Variants in GPD1L observed in about 807,000 individuals in gnomAD.
The protein encoded by GPD1L is glycerol-3-phosphate dehydrogenase 1 like.
Under a neutral mutation model 32.9 loss-of-function variants are expected in GPD1L, and 17 were observed. The ratio of observed to expected loss-of-function variants is 0.52; its 90% CI spans 0.35 to 0.78. GPD1L has a LOEUF of 0.78. GPD1L is among the 30% of genes least tolerant of loss of function. GPD1L has a pLI of 0.01. For synonymous variants in GPD1L, 187 were observed against 165.9 expected, an observed-to-expected ratio of 1.13 and a Z score of -0.98; for missense variants, 361 against 447.8, an observed-to-expected ratio of 0.81 and a Z score of 1.75.
At position 32,146,721 on chromosome 3, in the gene GPD1L, G is replaced by C. The variant is rs776683211; in HGVS notation, c.605G>C (p.Cys202Ser). 1 of 1,604,236 alleles carries C rather than the reference G, an allele frequency of 6.2e-7. No individual in the cohort carries two copies. The highest frequency in any genetic ancestry group is 1.1e-5 in the South Asian group (1 of 90,878). ...GATGATGCAGACACTGTTGAACTCT[G>C]TGGTGCGCTTAAGGTAAAGTCAGCC... ...VVDDADTVEL[C>S]GALKNIVAVG... Residue 202 changes from cysteine (C) to serine (S), a missense_variant, in exon 5 of 8, where the codon TGT becomes TCT. Physicochemically the swap from Cys to Ser is moderately radical, Grantham distance 112. Coordinates refer to ENST00000282541, the MANE Select transcript of GPD1L (RefSeq NM_015141.4).
At chr3:32,126,863 G>T (rs1041723530) in intron 1 of GPD1L, among the ~76,000 whole-genome samples, 1 of 152,166 alleles carries the variant, frequency 6.6e-6, no homozygotes, top group Non-Finnish European at 1.5e-5. Context: ...GGCCTGGGGT[G>T]TGGTCTGGGA....
chr3:32,155,072 A>G (rs1700968605), intron 5 of GPD1L, among the ~76,000 whole-genome samples: 1 of 152,076 alleles, frequency 6.6e-6, no homozygotes, highest in African/African-American at 2.4e-5. Context: ...GGTGTAGGCC[A>G]GGGAGGCACT....
intron 1 of GPD1L, among the ~76,000 whole-genome samples, chr3:32,109,948 C>T (rs967035239): frequency 5.9e-5 from 9 of 152,262 alleles, no homozygotes; most frequent in African/African-American, 2.2e-4. Context: ...GACGGAGTCT[C>T]GCTCTGTCGC....
chr3:32,117,570 C>A (rs1018828120), intron 1 of GPD1L, among the ~76,000 whole-genome samples: 1 of 152,120 alleles, frequency 6.6e-6, no homozygotes, highest in South Asian at 2.1e-4. Context: ...GGTGTATAGT[C>A]TTTCAGTTGT....
At position 32,131,222 on chromosome 3, in the gene GPD1L, G is replaced by A. The variant is rs945602474; in HGVS notation, c.225+2969G>A. Among the ~76,000 whole-genome samples, 3 of 152,062 alleles carry A rather than the reference G, an allele frequency of 2.0e-5. No individual in the cohort carries two copies. In the South Asian group the frequency reaches 6.2e-4, roughly 32 times the overall value. On this transcript the variant is annotated intron_variant, in intron 2 of 7. Transcript: ENST00000282541. Reference sequence around the variant, plus strand: ...AGCACCCCCATGAAATATAGTTGCCGTTGCCTCTCATCTCCTGCCTCCTTT... The same window carrying A: ...AGCACCCCCATGAAATATAGTTGCCATTGCCTCTCATCTCCTGCCTCCTTT...
At chr3:32,144,822 AACACACACAC>A (rs60130762) in intron 4 of GPD1L, among the ~76,000 whole-genome samples, 2 of 142,064 alleles carry the variant, frequency 1.4e-5, no homozygotes, top group East Asian at 2.1e-4. Context: ...AGTAGCTGGG[AACACACACAC>A]ACACACACAC....
Position 32,140,321 on chromosome 3 carries a change from A to G in GPD1L, c.460A>G (p.Ile154Val). Residue 154 changes from isoleucine (I) to valine (V), a missense_variant, in exon 4 of 8, where the codon ATT becomes GTT. Physicochemically the swap from Ile to Val is conservative, Grantham distance 29 (BLOSUM62 3). Transcript: ENST00000282541. ...CATCAGTGTGCTGATGGGAGCCAAC[A>G]TTGCCAATGAGGTGGCTGCAGAGAA... ...IDISVLMGAN[I>V]ANEVAAEKFC... is the part of the protein sequence containing the mutation. 2 of 1,614,170 alleles carry G rather than the reference A, an allele frequency of 1.2e-6. No individual in the cohort carries two copies. The highest frequency in any genetic ancestry group is 1.1e-5 in the South Asian group (1 of 91,082).
In GPD1L at chr3:32,166,013, C is replaced by T. The variant is rs1701141724; in HGVS notation, c.*103C>T. ...GCAACATGATGTTTGACTGTAATCT[C>T]ATCACGGATATGTATGAATTTTTAC... On this transcript the variant is annotated 3_prime_UTR_variant, in exon 8 of 8. Transcript: ENST00000282541. 2.7e-6 allele frequency: 2 copies of T among 748,280 alleles called. No individual in the cohort carries two copies. The highest frequency in any genetic ancestry group is 2.6e-5 in the East Asian group (1 of 38,512). 46.4% of individuals were successfully genotyped at this position (748,280 alleles called of 1,614,324 possible).
Position 32,128,208 on chromosome 3 carries a change from T to G in GPD1L, c.180T>G (p.His60Gln). Reference sequence around the variant, plus strand: ...TGACAGACATCATAAATAATGACCATGAAAATGTAAAATATCTTCCTGGAC... The same window carrying G: ...TGACAGACATCATAAATAATGACCAGGAAAATGTAAAATATCTTCCTGGAC... ...RKLTDIINND[H>Q]ENVKYLPGHK... Residue 60 changes from histidine (H) to glutamine (Q), a missense_variant, in exon 2 of 8, where the codon CAT becomes CAG. His to Gln is a conservative substitution (Grantham distance 24). Coordinates refer to ENST00000282541, the MANE Select transcript of GPD1L (RefSeq NM_015141.4). 1 of 1,613,860 alleles carries G rather than the reference T, an allele frequency of 6.2e-7. No homozygotes were observed. Among genetic ancestry groups the G allele is most frequent in the South Asian group, 1.1e-5 (1 of 91,064 alleles).
At chr3:32,137,083 C>A (rs1050363935) in intron 2 of GPD1L, among the ~76,000 whole-genome samples, 1 of 152,162 alleles carries the variant, frequency 6.6e-6, no homozygotes, top group Non-Finnish European at 1.5e-5. Context: ...TTGGCAATCT[C>A]CATCACAACC....
Position 32,165,701 on chromosome 3 carries a change from T to A in GPD1L, c.960-113T>A, listed in dbSNP as rs756174095. On this transcript the variant is annotated intron_variant, in intron 7 of 7. Transcript: ENST00000282541. Reference sequence around the variant, plus strand: ...AAAGGAATGTAGAAAGTGCTCACTGTGTTTTCCATAGTCACATACTAACCT... The same window carrying A: ...AAAGGAATGTAGAAAGTGCTCACTGAGTTTTCCATAGTCACATACTAACCT... 3.5e-5 allele frequency: 25 copies of A among 721,974 alleles called. No homozygotes were observed. The East Asian group carries it at 6.4e-4, about 19-fold the overall frequency. The allele number at this position is 721,974 out of a possible 1,614,324, so 44.7% of individuals were successfully genotyped here. A position where few individuals can be genotyped will look rare whatever the true frequency, so the allele number is the denominator to read the frequency against.
rs761698828 is a variant in GPD1L, at chr3:32,140,236, CG to C, written c.376del (p.Glu126ArgfsTer6). On this transcript the variant is annotated frameshift_variant, in exon 4 of 8. Transcript: ENST00000282541. LOFTEE classifies it high-confidence loss of function. ...TCTTGGCATCCTTGTAGGGCATAGA[CG>C]AGGGCCCCGAGGGGCTGAAGCTCAT... ...LGITLIKGID[E>X]GPEGLKLISD... 1.9e-6 allele frequency: 3 copies of C among 1,614,008 alleles called. No homozygotes were observed. The highest frequency in any genetic ancestry group is 2.7e-5 in the African/African-American group (2 of 75,000).
At chr3:32,134,654 T>C (rs1182037160) in intron 2 of GPD1L, among the ~76,000 whole-genome samples, 2 of 151,634 alleles carry the variant, frequency 1.3e-5, no homozygotes, top group Admixed American at 1.3e-4. Context: ...ACCTGGTTAA[T>C]TTTTTTTATT....
rs1700831983 is a variant in GPD1L, at chr3:32,146,701, T to G, written c.585T>G (p.Asp195Glu). 6.2e-7 allele frequency: 1 copy of G among 1,612,402 alleles called. No homozygotes were observed. Residue 195 changes from aspartate (D) to glutamate (E), a missense_variant, in exon 5 of 8, where the codon GAT becomes GAG. Physicochemically the swap from Asp to Glu is conservative, Grantham distance 45. Coordinates refer to ENST00000282541, the MANE Select transcript of GPD1L (RefSeq NM_015141.4). Reference protein sequence around the residue: ...TPNFRITVVDDADTVELCGAL... With the variant: ...TPNFRITVVDEADTVELCGAL... ...ATTTTCGAATTACCGTGGTTGATGA[T>G]GCAGACACTGTTGAACTCTGTGGTG...
chr3:32,115,234 T>C (rs1700310598), intron 1 of GPD1L, among the ~76,000 whole-genome samples: 1 of 152,242 alleles, frequency 6.6e-6, no homozygotes, highest in South Asian at 2.1e-4. Flanking sequence ...CACAGAGTGC[T>C]GATTGGTGCA....
chr3:32,165,369 G>A (rs1701131666), intron 7 of GPD1L, among the ~76,000 whole-genome samples: 1 of 64,780 alleles, frequency 1.5e-5, no homozygotes, highest in Non-Finnish European at 2.9e-5. Flanking sequence ...TCTTGCGGGA[G>A]CATTCCAGCC....
intron 4 of GPD1L, among the ~76,000 whole-genome samples, chr3:32,145,711 C>T (rs1049497313): frequency 1.1e-4 from 16 of 152,298 alleles, no homozygotes; most frequent in African/African-American, 3.6e-4. Flanking sequence ...GATGATGCAA[C>T]AGTGTTGCAC....
intron 5 of GPD1L, among the ~76,000 whole-genome samples, chr3:32,147,420 T>C (rs1268342432): frequency 2.0e-5 from 3 of 152,234 alleles, no homozygotes; most frequent in African/African-American, 7.2e-5. Context: ...TTATCTTTTT[T>C]TCCCCTCTTT....
intron 3 of GPD1L, among the ~76,000 whole-genome samples, chr3:32,139,670 A>G (rs1012102458): frequency 1.3e-5 from 2 of 152,252 alleles, no homozygotes; most frequent in Admixed American, 6.5e-5. Context: ...CCCAAATGTC[A>G]TCAGCAAGAG....
Sources: allele counts gnomAD v4.1 joint callset (sites outside exome capture counted in the v4.1 genomes callset), GRCh38; gene constraint gnomAD v4.1.1; transcripts MANE v1.5; gene names NCBI Gene and HGNC (gene_info 2026-07-23, HGNC 2026-07-21).